MAML3: variants seen among roughly 807,000 people sequenced by gnomAD.
MAML3 encodes mastermind like transcriptional coactivator 3, also known as mastermind-like protein 3.
Under a neutral mutation model 101.9 loss-of-function variants are expected in MAML3, and 27 were observed. The ratio of observed to expected loss-of-function variants is 0.27; its 90% CI spans 0.20 to 0.37. The LOEUF (loss-of-function observed/expected upper bound fraction) is 0.37. Among genes scored for constraint, MAML3 ranks in the 10% least tolerant of loss-of-function variants. The pLI is 1.00. For missense variants in MAML3, 1,316 were observed against 1,444.9 expected, an observed-to-expected ratio of 0.91 and a Z score of 1.45; for synonymous variants, 501 against 555.9, an observed-to-expected ratio of 0.90 and a Z score of 1.39.
At chr4:140,136,928 C>T (rs1728897800) in intron 1 of MAML3, among the ~76,000 whole-genome samples, 1 of 152,254 alleles carries the variant, frequency 6.6e-6, no homozygotes, top group Non-Finnish European at 1.5e-5. Flanking sequence ...CCTCCCATTT[C>T]ATTATTCAGT....
chr4:140,119,768 C>G (rs746428501), intron 1 of MAML3, among the ~76,000 whole-genome samples: 2 of 152,020 alleles, frequency 1.3e-5, no homozygotes, highest in African/African-American at 4.8e-5. Context: ...ACCACAGGCA[C>G]AAACAAGATC....
intron 1 of MAML3, among the ~76,000 whole-genome samples, chr4:139,935,975 C>T (rs961949995): frequency 8.6e-4 from 131 of 152,106 alleles, no homozygotes; most frequent in East Asian, 5.8e-4. Flanking sequence ...ACATTATATC[C>T]CTGGAACTTA....
In MAML3 at chr4:139,852,403, G is replaced by GTT. The variant is rs67349785; in HGVS notation, c.2079+36952_2079+36953dup. Among the ~76,000 whole-genome samples, 234 of 68,352 alleles carry GTT rather than the reference G, an allele frequency of 3.4e-3. 19 individuals carry two copies. Among genetic ancestry groups the GTT allele is most frequent in the African/African-American group, 6.8e-3 (102 of 15,056 alleles). 44.8% of individuals were successfully genotyped at this position (68,352 alleles called of 152,430 possible). Reference sequence around the variant, plus strand: ...AAAGCTCACCAAAATTCAGAAGACTGTTTTTTTTTTTTTTTTTTTTTTTTT... The same window carrying GTT: ...AAAGCTCACCAAAATTCAGAAGACTGTTTTTTTTTTTTTTTTTTTTTTTTTTT... On this transcript the variant is annotated intron_variant, in intron 2 of 4. Transcript: ENST00000509479.
intron 2 of MAML3, among the ~76,000 whole-genome samples, chr4:139,775,646 G>A (rs1235918790): frequency 2.0e-5 from 3 of 152,008 alleles, no homozygotes; most frequent in South Asian, 2.1e-4. Context: ...TGGTTCGGGG[G>A]GCAGAATGAT....
intron 1 of MAML3, among the ~76,000 whole-genome samples, chr4:140,124,880 C>G (rs1337030446): frequency 6.6e-6 from 1 of 152,218 alleles, no homozygotes; most frequent in Non-Finnish European, 1.5e-5. Context: ...GTATCTGAAA[C>G]TCACACAGAA....
At chr4:140,064,951 C>T (rs1469959718) in intron 1 of MAML3, among the ~76,000 whole-genome samples, 1 of 152,208 alleles carries the variant, frequency 6.6e-6, no homozygotes, top group Non-Finnish European at 1.5e-5. Flanking sequence ...AACTTTCCAT[C>T]TGCTGAAAAT....
chr4:139,893,900 G>T (rs561230779), intron 1 of MAML3, among the ~76,000 whole-genome samples: 2 of 152,260 alleles, frequency 1.3e-5, no homozygotes, highest in East Asian at 3.9e-4. Flanking sequence ...TGACAGAGGG[G>T]CAACTGGGAG....
chr4:139,745,921 G>A (rs564394045), intron 2 of MAML3, among the ~76,000 whole-genome samples: 2 of 152,282 alleles, frequency 1.3e-5, no homozygotes, highest in South Asian at 4.2e-4. Context: ...ACTTGGAGAA[G>A]AAGAAACCTT....
chr4:139,835,276 T>C (rs974198504), intron 2 of MAML3, among the ~76,000 whole-genome samples: 1 of 152,244 alleles, frequency 6.6e-6, no homozygotes, highest in African/African-American at 2.4e-5. Context: ...TGTCCCAAGT[T>C]GGTAGTGAAT....
intron 2 of MAML3, among the ~76,000 whole-genome samples, chr4:139,761,540 T>C (rs191111707): frequency 7.3e-4 from 111 of 152,300 alleles, no homozygotes; most frequent in Middle Eastern, 6.8e-3. Context: ...CCCCAGTTCC[T>C]AACCTTCTCC....
At chr4:140,104,672 T>A (rs936400240) in intron 1 of MAML3, among the ~76,000 whole-genome samples, 1 of 150,866 alleles carries the variant, frequency 6.6e-6, no homozygotes, top group Admixed American at 6.6e-5. Flanking sequence ...TTTGTGTTTT[T>A]TGTGGAGATG....
chr4:140,011,337 G>GTTT (rs1394373852), intron 1 of MAML3, among the ~76,000 whole-genome samples: 37,577 of 108,860 alleles, frequency 0.35, 8,560 homozygotes, highest in East Asian at 0.68. Flanking sequence ...AGGTTTTCTT[G>GTTT]TTTTGTTTTT....
intron 1 of MAML3, among the ~76,000 whole-genome samples, chr4:139,927,206 G>A (rs1414763583): frequency 6.6e-6 from 1 of 151,894 alleles, no homozygotes; most frequent in Non-Finnish European, 1.5e-5. Context: ...TTACAGGCGT[G>A]AGCCACCATA....
intron 1 of MAML3, among the ~76,000 whole-genome samples, chr4:140,138,957 G>A (rs7692035): frequency 0.48 from 72,333 of 152,086 alleles, 19,241 homozygotes; most frequent in Non-Finnish European, 0.61. Flanking sequence ...AATTCATATG[G>A]CTATTTGGCT....
chr4:139,864,923 C>CTTGTTTTTTTTTTTTTTTTTTTT lies in MAML3; in HGVS notation c.2079+24433_2079+24434insAAAAAAAAAAAAAAAAAAAACAA, dbSNP rs56928318. 1.1e-4 allele frequency among the ~76,000 whole-genome samples: 7 copies of CTTGTTTTTTTTTTTTTTTTTTTT among 62,456 alleles called. 3 individuals carry two copies. The highest frequency in any genetic ancestry group is 4.9e-4 in the Admixed American group (2 of 4,122). 41.0% of individuals were successfully genotyped at this position (62,456 alleles called of 152,430 possible). Reference sequence around the variant, plus strand: ...TTAGGAAAATAGTAATGCAAACTTGCTTTTTTTTTTTTTTTTTTTTTTTTT... The same window carrying CTTGTTTTTTTTTTTTTTTTTTTT: ...TTAGGAAAATAGTAATGCAAACTTGCTTGTTTTTTTTTTTTTTTTTTTTTTTTTTTTTTTTTTTTTTTTTTTTT... On this transcript the variant is annotated intron_variant, in intron 2 of 4. Coordinates refer to ENST00000509479, the MANE Select transcript of MAML3 (RefSeq NM_018717.5).
intron 1 of MAML3, among the ~76,000 whole-genome samples, chr4:139,970,041 G>T (rs868546901): frequency 2.6e-5 from 4 of 152,182 alleles, no homozygotes; most frequent in Non-Finnish European, 4.4e-5. Context: ...TGGGTATGAG[G>T]TCAGTGGGTT....
intron 1 of MAML3, among the ~76,000 whole-genome samples, chr4:139,950,721 T>C (rs1733817474): frequency 1.3e-5 from 2 of 152,196 alleles, no homozygotes; most frequent in South Asian, 4.1e-4. Flanking sequence ...TAGTTGTGGT[T>C]TGACAAGCTA....
rs1314532940 is a variant in MAML3 at position 139,717,106 on chromosome 4, C to T, written c.*2217G>A. The stretch of plus-strand genomic sequence containing the variant: ...AGTGATATCTGCAGTATTGTAAAAA[C>T]TTATGTACAAATAACTTTTTTTAGA... On this transcript the variant is annotated 3_prime_UTR_variant, in exon 5 of 5. Transcript: ENST00000509479. The T allele has an allele frequency of 3.3e-5, 5 of 152,394 alleles. No individual in the cohort carries two copies. Among genetic ancestry groups the T allele is most frequent in the Non-Finnish European group, 7.4e-5 (5 of 68,006 alleles). The allele number at this position is 152,394 out of a possible 1,614,324, so 9.4% of individuals were successfully genotyped here.
At chr4:140,016,438 T>C (rs1726643282) in intron 1 of MAML3, among the ~76,000 whole-genome samples, 1 of 152,116 alleles carries the variant, frequency 6.6e-6, no homozygotes, top group Non-Finnish European at 1.5e-5. Context: ...TATTCTAAAA[T>C]GTATGTGAAA....
Sources: gnomAD v4.1 joint callset for allele counts (sites outside exome capture counted in the v4.1 genomes callset) on GRCh38, gnomAD v4.1.1 for gene constraint, MANE v1.5 for transcripts, NCBI Gene and HGNC (gene_info 2026-07-23, HGNC 2026-07-21) for gene names.